Variants in DOCK9 observed in about 807,000 individuals in gnomAD.
DOCK9 encodes the protein dedicator of cytokinesis 9.
A neutral mutation model predicts 263.3 loss-of-function variants in DOCK9; 89 were observed. The ratio of observed to expected loss-of-function variants is 0.34; its 90% confidence interval spans 0.28 to 0.40. The LOEUF is 0.40. DOCK9 is among the 10% of genes least tolerant of loss of function. The pLI is 1.00. For synonymous variants in DOCK9, 976 were observed against 973.1 expected, an observed-to-expected ratio of 1.00 and a Z score of -0.06; for missense variants, 2,140 against 2,603.4, an observed-to-expected ratio of 0.82 and a Z score of 3.87.
At chr13:99,068,871 A>G (rs943769153) in intron 1 of DOCK9, among the ~76,000 whole-genome samples, 3 of 152,182 alleles carry the variant, frequency 2.0e-5, no homozygotes, top group Admixed American at 6.5e-5. Flanking sequence ...TGAACCTACT[A>G]TACTATAAAT....
At chr13:99,010,062 C>A (rs1884212043) in intron 1 of DOCK9, among the ~76,000 whole-genome samples, 1 of 151,670 alleles carries the variant, frequency 6.6e-6, no homozygotes. Context: ...CTGCATTATC[C>A]CAACATGTCA....
At chr13:98,916,983 T>A (rs2050991871) in intron 7 of DOCK9, among the ~76,000 whole-genome samples, 4 of 152,218 alleles carry the variant, frequency 2.6e-5, no homozygotes, top group Admixed American at 2.6e-4. Flanking sequence ...AAATCACAAC[T>A]TTTGATGCTT....
intron 38 of DOCK9, among the ~76,000 whole-genome samples, chr13:98,845,666 G>A (rs1429725755): frequency 2.0e-5 from 3 of 152,188 alleles, no homozygotes; most frequent in Non-Finnish European, 4.4e-5. Context: ...ACCCAGCCGA[G>A]TTTTGTTTTA....
intron 9 of DOCK9, among the ~76,000 whole-genome samples, chr13:98,906,424 T>C (rs187533698): frequency 4.6e-5 from 7 of 152,300 alleles, no homozygotes; most frequent in Admixed American, 4.6e-4. Flanking sequence ...GTCATCTCCA[T>C]CTTTATGATT....
intron 1 of DOCK9, among the ~76,000 whole-genome samples, chr13:99,076,323 A>G (rs1333987502): frequency 1.3e-5 from 2 of 152,238 alleles, no homozygotes; most frequent in Admixed American, 6.5e-5. Flanking sequence ...CAAGAGTTAG[A>G]TCAGTGTCTT....
chr13:98,816,585 C>T (rs558492312), intron 45 of DOCK9, among the ~76,000 whole-genome samples: 44 of 151,782 alleles, frequency 2.9e-4, no homozygotes, highest in Non-Finnish European at 5.6e-4. Flanking sequence ...TAAAAGATGG[C>T]GGGAGTGCAC....
chr13:98,811,957 T>G (rs2091334825), intron 45 of DOCK9, among the ~76,000 whole-genome samples: 1 of 152,190 alleles, frequency 6.6e-6, no homozygotes, highest in Non-Finnish European at 1.5e-5. Context: ...CTTTTTTGCA[T>G]ATGTATATCC....
At chr13:98,975,039 C>A (rs1274534275) in intron 1 of DOCK9, among the ~76,000 whole-genome samples, 1 of 152,130 alleles carries the variant, frequency 6.6e-6, no homozygotes, top group South Asian at 2.1e-4. Context: ...AATTAAATAA[C>A]GATCCAATTA....
At chr13:98,836,409 T>C (rs9300518) in intron 39 of DOCK9, among the ~76,000 whole-genome samples, 73,386 of 152,024 alleles carry the variant, frequency 0.48, 18,118 homozygotes, top group East Asian at 0.67. Context: ...GCTTCTTTCA[T>C]GTTTCTAGTA....
intron 9 of DOCK9, among the ~76,000 whole-genome samples, chr13:98,910,346 G>A (rs1479156809): frequency 6.6e-6 from 1 of 152,070 alleles, no homozygotes; most frequent in Non-Finnish European, 1.5e-5. Flanking sequence ...AATAAAAATT[G>A]TTTGGTTCCA....
intron 45 of DOCK9, among the ~76,000 whole-genome samples, chr13:98,811,454 CTTTT>C (rs1410378463): frequency 3.3e-5 from 5 of 151,176 alleles, no homozygotes; most frequent in Non-Finnish European, 7.4e-5. Flanking sequence ...TTTATTTTAG[CTTTT>C]TTGAGACTGG....
chr13:98,867,695 A>C (rs1046584907), intron 29 of DOCK9, among the ~76,000 whole-genome samples, 159 bp from the exon 30 acceptor site: 5 of 151,980 alleles, frequency 3.3e-5, no homozygotes, highest in Admixed American at 6.6e-5. Flanking sequence ...GGATGGCTGC[A>C]GGGATTGATT....
At chr13:99,031,518 G>A (rs1230568492) in intron 1 of DOCK9, among the ~76,000 whole-genome samples, 1 of 152,192 alleles carries the variant, frequency 6.6e-6, no homozygotes, top group Non-Finnish European at 1.5e-5. Context: ...TGAGGAACAT[G>A]AACTTACAGT....
chr13:98,956,494 T>C (rs1421778136), intron 1 of DOCK9, among the ~76,000 whole-genome samples: 1 of 152,190 alleles, frequency 6.6e-6, no homozygotes, highest in Non-Finnish European at 1.5e-5. Flanking sequence ...ACACCCGTAA[T>C]CTCAGCACTT....
chr13:98,863,774 A>C (rs1175853293), intron 30 of DOCK9, among the ~76,000 whole-genome samples: 1 of 152,212 alleles, frequency 6.6e-6, no homozygotes, highest in Admixed American at 6.5e-5. Flanking sequence ...ATTTAAATAC[A>C]ATTAAGTGCA....
At chr13:99,017,124 G>T (rs1455134960) in intron 1 of DOCK9, among the ~76,000 whole-genome samples, 1 of 152,188 alleles carries the variant, frequency 6.6e-6, no homozygotes, top group African/African-American at 2.4e-5. Context: ...CAAAAAACAG[G>T]ATGACCCTCT....
intron 1 of DOCK9, among the ~76,000 whole-genome samples, chr13:98,976,692 T>G (rs2060310534): frequency 6.6e-6 from 1 of 152,130 alleles, no homozygotes; most frequent in Non-Finnish European, 1.5e-5. Context: ...AACCTAAATC[T>G]CTAAGATGAA....
intron 1 of DOCK9, among the ~76,000 whole-genome samples, chr13:99,070,648 G>A (rs547731440): frequency 6.6e-6 from 1 of 152,144 alleles, no homozygotes; most frequent in East Asian, 1.9e-4. Context: ...AGATCTATGG[G>A]GTAAGTGCTA....
Position 98,901,855 on chromosome 13 carries a change from C to T in DOCK9, c.1426G>A (p.Ala476Thr). 6.2e-7 allele frequency: 1 copy of T among 1,612,682 alleles called. No individual in the cohort carries two copies. The highest frequency in any genetic ancestry group is 8.5e-7 in the Non-Finnish European group (1 of 1,179,362). ...CCCTGAAGGACTTTTTCAATTCTGG[C>T]CACAAGAAATATATCTGGATGAGGA... ...TCPHPDIFLV[A>T]RIEKVLQGSI... Residue 476 changes from alanine to threonine, a missense_variant, in exon 13 of 53, where the codon GCC (alanine) becomes ACC (threonine). Around this residue, in one of 2 missense-constraint regions of DOCK9, gnomAD observed 1,521 missense variants for 1,741.7 expected, o/e 0.87. Coordinates refer to ENST00000682017, the MANE Select transcript of DOCK9 (RefSeq NM_001366683.2).
Sources: allele counts gnomAD v4.1 joint callset (sites outside exome capture counted in the v4.1 genomes callset), GRCh38; gene constraint gnomAD v4.1.1; regional missense constraint gnomAD v4.1.1; transcripts MANE v1.5; gene names NCBI Gene and HGNC (gene_info 2026-07-23, HGNC 2026-07-21).